The following HMG20A variants were observed in gnomAD, a reference collection of about 807,000 sequenced individuals.
HMG20A encodes the protein high mobility group 20A, also known as high mobility group protein 20A.
HMG20A carries 17 observed loss-of-function variants against 43.9 expected under a neutral mutation model. The observed-to-expected ratio is 0.39, with a 90% CI of 0.27 to 0.58. HMG20A has a LOEUF of 0.58. Among genes scored for constraint, HMG20A ranks in the 20% least tolerant of loss-of-function variants. The pLI, the probability that HMG20A is intolerant of heterozygous loss-of-function variation, is 0.59. For missense variants in HMG20A, 341 were observed against 438.2 expected (o/e 0.78, Z 1.98); for synonymous variants, 132 against 147.5 (o/e 0.89, Z 0.76).
chr15:77,424,043 T>G (rs1379998015), intron 1 of HMG20A, among the ~76,000 whole-genome samples: 1 of 152,224 alleles, frequency 6.6e-6, no homozygotes, highest in African/African-American at 2.4e-5. Flanking sequence ...CATATTCTAC[T>G]GTAGTTTACT....
chr15:77,506,299 G>A, the HMG20A span, among the ~76,000 whole-genome samples: 15 of 152,044 alleles, frequency 9.9e-5, no homozygotes, highest in Non-Finnish European at 7.4e-5. Context: ...AGAAGGTCAC[G>A]GGGCCTCGCA....
intron 4 of HMG20A, among the ~76,000 whole-genome samples, chr15:77,468,388 T>G (rs993753888): frequency 6.6e-6 from 1 of 152,176 alleles, no homozygotes; most frequent in African/African-American, 2.4e-5. Context: ...TTTGTTTTTG[T>G]TTTTTTAACT....
chr15:77,478,033 A>C, intron 7 of HMG20A: 1 of 542,666 alleles, frequency 1.8e-6, no homozygotes. Context: ...AAAAACTAAC[A>C]AACAAAAAAA....
intron 1 of HMG20A, among the ~76,000 whole-genome samples, chr15:77,448,535 C>A (rs1252887045): frequency 6.6e-6 from 1 of 152,112 alleles, no homozygotes; most frequent in African/African-American, 2.4e-5. Flanking sequence ...TTGAACTGTT[C>A]CTAACCTCTT....
intron 1 of HMG20A, among the ~76,000 whole-genome samples, chr15:77,432,258 TAA>T (rs1313151093): frequency 6.6e-6 from 1 of 152,162 alleles, no homozygotes; most frequent in East Asian, 1.9e-4. Flanking sequence ...GTGAATCAGT[TAA>T]AGATATACTC....
At chr15:77,514,688 G>A in the HMG20A span, among the ~76,000 whole-genome samples, 2 of 152,154 alleles carry the variant, frequency 1.3e-5, no homozygotes, top group South Asian at 4.1e-4. Flanking sequence ...TTGGATTTTG[G>A]GGGAAAATGG....
intron 9 of HMG20A, among the ~76,000 whole-genome samples, chr15:77,481,863 C>T (rs1261584526): frequency 6.6e-6 from 1 of 152,208 alleles, no homozygotes; most frequent in African/African-American, 2.4e-5. Flanking sequence ...TATGTACAGA[C>T]AGCGAGGCTG....
At chr15:77,428,032 A>G (rs1175853140) in intron 1 of HMG20A, among the ~76,000 whole-genome samples, 1 of 152,216 alleles carries the variant, frequency 6.6e-6, no homozygotes, top group South Asian at 2.1e-4. Context: ...ACTGGAGGAT[A>G]ATGGAAAGTG....
At chr15:77,434,300 G>T (rs1411910591) in intron 1 of HMG20A, among the ~76,000 whole-genome samples, 2 of 151,834 alleles carry the variant, frequency 1.3e-5, no homozygotes, top group East Asian at 3.9e-4. Flanking sequence ...CTTGGAGTAG[G>T]TAATGATCCG....
At chr15:77,507,102 C>T in the HMG20A span, among the ~76,000 whole-genome samples, 1 of 152,228 alleles carries the variant, frequency 6.6e-6, no homozygotes, top group Non-Finnish European at 1.5e-5. Flanking sequence ...TTCCTCTCTG[C>T]CTGACTGTCT....
chr15:77,497,735 TAGGGGGATGCA>T, the HMG20A span, among the ~76,000 whole-genome samples: 2 of 149,682 alleles, frequency 1.3e-5, no homozygotes, highest in East Asian at 3.9e-4. Context: ...GTGGAGATAT[TAGGGGGATGCA>T]AGGGGGATGG....
At chr15:77,468,215 C>T (rs1311612080) in intron 4 of HMG20A, among the ~76,000 whole-genome samples, 2 of 152,202 alleles carry the variant, frequency 1.3e-5, no homozygotes, top group East Asian at 3.9e-4. Context: ...GGATAGTGGG[C>T]TGTACATACT....
the HMG20A span, among the ~76,000 whole-genome samples, chr15:77,492,926 C>CA: frequency 2.2e-4 from 34 of 152,086 alleles, no homozygotes; most frequent in Non-Finnish European, 1.0e-4. Flanking sequence ...TCCCAAAGCT[C>CA]AGTGAGGAAT....
intron 9 of HMG20A, among the ~76,000 whole-genome samples, chr15:77,481,165 GGTAACT>G (rs978954646): frequency 1.1e-4 from 16 of 152,064 alleles, no homozygotes; most frequent in African/African-American, 3.6e-4. Flanking sequence ...GCCCTTGGAT[GGTAACT>G]GTACAAGGCA....
chr15:77,507,981 G>A, the HMG20A span, among the ~76,000 whole-genome samples: 1 of 152,018 alleles, frequency 6.6e-6, no homozygotes, highest in Non-Finnish European at 1.5e-5. Flanking sequence ...GTGAGTCTGA[G>A]CTTCCCTTGA....
the HMG20A span, among the ~76,000 whole-genome samples, chr15:77,504,724 TGTGAGGCCTTGGGGGAAGTTG>T: frequency 1.8e-4 from 28 of 152,090 alleles, no homozygotes; most frequent in Non-Finnish European, 3.1e-4. Context: ...TGGAGATGCC[TGTGAGGCCTTGGGGGAAGTTG>T]GCAGCAGAGA....
the HMG20A span, among the ~76,000 whole-genome samples, chr15:77,504,859 A>T: frequency 1.1e-4 from 17 of 152,330 alleles, no homozygotes; most frequent in African/African-American, 4.1e-4. Flanking sequence ...ATAAGTTTCT[A>T]CAGTACTCTG....
chr15:77,455,727 A>C (rs2072647925), intron 1 of HMG20A, among the ~76,000 whole-genome samples: 1 of 152,348 alleles, frequency 6.6e-6, no homozygotes, highest in South Asian at 2.1e-4. Context: ...ATAAAATTTC[A>C]AAGTTCAGTG....
chr15:77,423,727 A>C (rs1192514411), intron 1 of HMG20A, among the ~76,000 whole-genome samples: 3 of 152,170 alleles, frequency 2.0e-5, no homozygotes, highest in Non-Finnish European at 4.4e-5. Context: ...TCATTCTTTC[A>C]TCTACTTTAC....
Sources: gnomAD v4.1 joint callset for allele counts (sites outside exome capture counted in the v4.1 genomes callset) on GRCh38, gnomAD v4.1.1 for gene constraint, MANE v1.5 for transcripts, NCBI Gene and HGNC (gene_info 2026-07-23, HGNC 2026-07-21) for gene names.